Variants in SASH1 observed in about 807,000 individuals in gnomAD.
SASH1 encodes the protein SAM and SH3 domain-containing protein 1.
A neutral mutation model predicts 125.2 loss-of-function variants in SASH1; 44 were observed. The observed-to-expected ratio is 0.35, with a 90% CI of 0.28 to 0.45. The LOEUF is 0.45. Among genes scored for constraint, SASH1 ranks in the 20% least tolerant of loss-of-function variants. The pLI is 1.00. For synonymous variants in SASH1, 639 were observed against 649.1 expected (o/e 0.98, Z 0.24); for missense variants, 1,426 against 1,614.5 (o/e 0.88, Z 2.00).
the SASH1 span, among the ~76,000 whole-genome samples, chr6:148,249,248 C>T: frequency 6.6e-6 from 1 of 152,208 alleles, no homozygotes; most frequent in Non-Finnish European, 1.5e-5. Flanking sequence ...TGAATGACAG[C>T]ATAATTTCCC....
At chr6:148,397,550 C>T (rs933953361) in intron 2 of SASH1, among the ~76,000 whole-genome samples, 1 of 152,124 alleles carries the variant, frequency 6.6e-6, no homozygotes, top group African/African-American at 2.4e-5. Context: ...AGTTGTATAA[C>T]TTCATCAAAT....
the SASH1 span, among the ~76,000 whole-genome samples, chr6:148,222,262 T>C: frequency 1.1e-4 from 16 of 152,232 alleles, no homozygotes; most frequent in Non-Finnish European, 2.1e-4. Context: ...ACAATCCCTA[T>C]CTATGTCTTT....
chr6:148,449,422 T>C (rs990458488), intron 4 of SASH1, among the ~76,000 whole-genome samples: 2 of 148,660 alleles, frequency 1.3e-5, no homozygotes, highest in Admixed American at 1.3e-4. Flanking sequence ...AGTTTCGCTC[T>C]TGTTGCCCAG....
intron 4 of SASH1, among the ~76,000 whole-genome samples, chr6:148,446,269 C>T (rs1479417006): frequency 7.9e-5 from 12 of 151,864 alleles, no homozygotes; most frequent in East Asian, 3.9e-4. Context: ...CCATCATGCC[C>T]AGCTAATTTT....
At chr6:148,244,783 C>T in the SASH1 span, among the ~76,000 whole-genome samples, 98 of 152,088 alleles carry the variant, frequency 6.4e-4, no homozygotes, top group African/African-American at 2.3e-3. Context: ...GCCCCAAGGG[C>T]GACATGAGAA....
At chr6:148,525,190 G>A (rs1277909709) in intron 10 of SASH1, 101 bp from the exon 11 acceptor site, 5 of 789,788 alleles carry the variant, frequency 6.3e-6, no homozygotes, top group South Asian at 2.9e-5. Flanking sequence ...CCACGTATTT[G>A]TGATTCAGAG....
At chr6:148,481,740 A>G (rs1323326041) in intron 7 of SASH1, among the ~76,000 whole-genome samples, 1 of 152,162 alleles carries the variant, frequency 6.6e-6, no homozygotes, top group African/African-American at 2.4e-5. Context: ...CAAAACAATT[A>G]CAATATTAAC....
chr6:148,203,285 A>G, the SASH1 span, among the ~76,000 whole-genome samples: 2 of 152,134 alleles, frequency 1.3e-5, no homozygotes, highest in Non-Finnish European at 2.9e-5. Flanking sequence ...CACCATTATG[A>G]GAATTCTGGG....
Position 148,440,231 on chromosome 6 carries a change from C to T in SASH1, c.333C>T (p.Ile111=), listed in dbSNP as rs766275084. 1.2e-5 allele frequency: 20 copies of T among 1,613,828 alleles called. 1 individual carries two copies. The highest frequency in any genetic ancestry group is 1.6e-4 in the Middle Eastern group (1 of 6,084). ...CGTCACTTCAGCTGCGGTCCCAGAT[C>T]GAAGTAAGCACAATGACTTTAATCA... The part of the protein sequence containing the change: ...SPTSLQLRSQ[I]EESLGFCSAV... Residue 111 remains isoleucine (I), a synonymous_variant, in exon 3 of 20, where the codon ATC becomes ATT. Transcript: ENST00000367467.
the SASH1 span, among the ~76,000 whole-genome samples, chr6:148,209,915 G>T: frequency 6.6e-6 from 1 of 151,912 alleles, no homozygotes; most frequent in Non-Finnish European, 1.5e-5. Flanking sequence ...TAAGACAAAT[G>T]AAACACATAC....
At chr6:148,379,926 A>G (rs967206083) in intron 1 of SASH1, 1 of 456,410 alleles carries the variant, frequency 2.2e-6, no homozygotes, top group Non-Finnish European at 4.4e-6. Context: ...CAGGCCCAGG[A>G]TTTTAAAGCA....
rs763393801 is a variant in SASH1, at chr6:148,544,499, C to T, written c.3029C>T (p.Ala1010Val). 1 of 1,613,900 alleles carries T rather than the reference C, an allele frequency of 6.2e-7. No homozygotes were observed. The highest frequency in any genetic ancestry group is 2.2e-5 in the East Asian group (1 of 44,864). ...LHPVPMGPSG[A>V]LPSPDAPCLP... ...CCTGTTCCCATGGGCCCCAGTGGGG[C>T]CCTCCCCAGTCCCGATGCGCCATGC... Residue 1010 changes from alanine (A) to valine (V), a missense_variant, in exon 18 of 20, where the codon GCC (alanine) becomes GTC (valine). Transcript: ENST00000367467. This position sits in a 1 kb window ranked among gnomAD's most constrained non-coding sequence, Gnocchi z 6.4.
chr6:148,445,167 CCT>C (rs1156279983), intron 4 of SASH1, among the ~76,000 whole-genome samples: 1 of 152,180 alleles, frequency 6.6e-6, no homozygotes, highest in African/African-American at 2.4e-5. Context: ...TTTACTGCAT[CCT>C]GTTTTATCGG....
At chr6:148,333,267 G>A (rs1562329809) in intron 1 of SASH1, among the ~76,000 whole-genome samples, 1 of 152,094 alleles carries the variant, frequency 6.6e-6, no homozygotes, top group South Asian at 2.1e-4. Flanking sequence ...AATAAAATTA[G>A]CCAGGCATGG....
At chr6:148,490,080 A>G (rs911096889) in intron 8 of SASH1, among the ~76,000 whole-genome samples, 2 of 150,508 alleles carry the variant, frequency 1.3e-5, no homozygotes, top group African/African-American at 4.9e-5. Context: ...AATAATAATA[A>G]TAATAATTTA....
At chr6:148,369,074 T>G (rs1782606385) in intron 1 of SASH1, among the ~76,000 whole-genome samples, 2 of 152,182 alleles carry the variant, frequency 1.3e-5, no homozygotes, top group South Asian at 4.1e-4. Context: ...AACAGACACG[T>G]GCATTGGCCT....
At chr6:148,531,682 TA>T in intron 13 of SASH1, 21 bp downstream of exon 13, 1 of 1,482,796 alleles carries the variant, frequency 6.7e-7, no homozygotes, top group South Asian at 1.4e-5. Context: ...TTTGTCATTG[TA>T]GATTATTTTC....
chr6:148,379,773 C>T (rs750023463), intron 1 of SASH1: 38 of 377,260 alleles, frequency 1.0e-4, no homozygotes, highest in Admixed American at 9.5e-5. Flanking sequence ...ACAACAAACA[C>T]GTAAACAAAT....
intron 8 of SASH1, among the ~76,000 whole-genome samples, chr6:148,506,343 C>T (rs1779801591): frequency 6.6e-6 from 1 of 151,684 alleles, no homozygotes; most frequent in African/African-American, 2.4e-5. Context: ...GGCATACTGG[C>T]GGGTGCCTGT....
Sources: gnomAD v4.1 joint callset for allele counts (sites outside exome capture counted in the v4.1 genomes callset) on GRCh38, gnomAD v4.1.1 for gene constraint, Gnocchi (gnomAD v3.1) non-coding constraint, MANE v1.5 for transcripts, NCBI Gene and HGNC (gene_info 2026-07-23, HGNC 2026-07-21) for gene names.